Variants in LRRC37A2 observed in about 807,000 individuals in gnomAD.
The protein encoded by LRRC37A2 is leucine rich repeat containing 37 member A2.
A neutral mutation model predicts 68.8 loss-of-function variants in LRRC37A2; 9 were observed. That is an observed-to-expected ratio of 0.13 (90% CI 0.08 to 0.23). The LOEUF (loss-of-function observed/expected upper bound fraction) is 0.23, where lower values mean the gene tolerates loss of function less well. Among genes scored for constraint, LRRC37A2 ranks in the 10% least tolerant of loss-of-function variants. The pLI, the probability that LRRC37A2 is intolerant of heterozygous loss-of-function variation, is 1.00. For missense variants in LRRC37A2, 168 were observed against 950.4 expected, an observed-to-expected ratio of 0.18 and a Z score of 10.82; for synonymous variants, 63 against 367.6, an observed-to-expected ratio of 0.17 and a Z score of 9.48.
At chr17:46,925,556 G>A in the LRRC37A2 span, among the ~76,000 whole-genome samples, 4 of 152,296 alleles carry the variant, frequency 2.6e-5, no homozygotes, top group Admixed American at 2.0e-4. Flanking sequence ...ATTTGGGCTG[G>A]TTAAACTGTA....
the LRRC37A2 span, among the ~76,000 whole-genome samples, chr17:46,829,283 T>A: frequency 1.3e-5 from 2 of 152,050 alleles, no homozygotes; most frequent in Non-Finnish European, 2.9e-5. Context: ...TTCTCCTGCC[T>A]CAGCCTCCCC....
At chr17:46,504,953 G>GATTTATTAATTA in the LRRC37A2 span, among the ~76,000 whole-genome samples, 1 of 102,028 alleles carries the variant, frequency 9.8e-6, no homozygotes, top group Non-Finnish European at 1.9e-5. Context: ...AACTAATTTT[G>GATTTATTAATTA]AGAGAGAGTC....
At chr17:46,818,395 G>C in the LRRC37A2 span, 2 of 953,550 alleles carry the variant, frequency 2.1e-6, no homozygotes. Flanking sequence ...GGCGGGTGGG[G>C]GGCTGGAGGG....
the LRRC37A2 span, chr17:46,749,888 A>C: frequency 6.2e-7 from 1 of 1,613,992 alleles, no homozygotes; most frequent in Non-Finnish European, 8.5e-7. Flanking sequence ...ACAGGAGAGC[A>C]GCTGTTGGAA....
At chr17:46,502,315 T>G in the LRRC37A2 span, among the ~76,000 whole-genome samples, 1 of 151,080 alleles carries the variant, frequency 6.6e-6, no homozygotes, top group African/African-American at 2.5e-5. Context: ...GTCCTTTTAT[T>G]TTTTGTTTTT....
chr17:46,805,691 C>T, the LRRC37A2 span, among the ~76,000 whole-genome samples: 2 of 152,230 alleles, frequency 1.3e-5, no homozygotes, highest in African/African-American at 4.8e-5. Context: ...ATTGAGGCTA[C>T]AGTGGGCTGT....
the LRRC37A2 span, among the ~76,000 whole-genome samples, chr17:46,458,495 G>C: frequency 1.1e-5 from 1 of 87,944 alleles, no homozygotes; most frequent in South Asian, 5.3e-4. Flanking sequence ...TTCTGGAATG[G>C]AAGCTGGGAA....
the LRRC37A2 span, chr17:46,968,743 C>G: frequency 6.6e-6 from 1 of 152,518 alleles, no homozygotes. Context: ...CTTCAGGACA[C>G]AAACAGAAAG....
chr17:46,789,896 CT>C, the LRRC37A2 span, among the ~76,000 whole-genome samples: 2 of 152,230 alleles, frequency 1.3e-5, no homozygotes, highest in Non-Finnish European at 2.9e-5. Context: ...CGATTCCACT[CT>C]CTACCTTTCA....
chr17:46,796,184 GAA>G, the LRRC37A2 span, among the ~76,000 whole-genome samples: 2 of 152,150 alleles, frequency 1.3e-5, no homozygotes, highest in Non-Finnish European at 2.9e-5. Flanking sequence ...TTCCTAATGA[GAA>G]AAACATCCCC....
chr17:46,880,747 G>A, the LRRC37A2 span, among the ~76,000 whole-genome samples: 2 of 152,170 alleles, frequency 1.3e-5, no homozygotes, highest in East Asian at 3.9e-4. Flanking sequence ...CACTGGTATA[G>A]GTCGGGCAGG....
chr17:46,794,386 G>T, the LRRC37A2 span, among the ~76,000 whole-genome samples: 2 of 152,140 alleles, frequency 1.3e-5, no homozygotes, highest in Non-Finnish European at 2.9e-5. Flanking sequence ...CTATATGCAG[G>T]CTGGATCCCC....
chr17:46,714,657 A>G, the LRRC37A2 span, among the ~76,000 whole-genome samples: 1 of 152,224 alleles, frequency 6.6e-6, no homozygotes, highest in East Asian at 1.9e-4. Flanking sequence ...ACAAAAATCA[A>G]TGATGAAGAC....
At chr17:46,803,889 C>G in the LRRC37A2 span, among the ~76,000 whole-genome samples, 2 of 152,212 alleles carry the variant, frequency 1.3e-5, no homozygotes, top group African/African-American at 4.8e-5. Context: ...CATGGCGCAG[C>G]TGAAGAGGGT....
At chr17:46,896,439 A>AAAGG in the LRRC37A2 span, among the ~76,000 whole-genome samples, 1 of 100,416 alleles carries the variant, frequency 1.0e-5, no homozygotes, top group Non-Finnish European at 1.7e-5. Flanking sequence ...AGAAAGAAAG[A>AAAGG]AAGAAAGAAA....
the LRRC37A2 span, chr17:46,831,355 C>G: frequency 6.6e-6 from 1 of 152,346 alleles, no homozygotes; most frequent in South Asian, 2.1e-4. Flanking sequence ...CTCAAGGTAC[C>G]AGATAGGTGA....
chr17:46,871,164 T>C, the LRRC37A2 span, among the ~76,000 whole-genome samples: 1 of 152,010 alleles, frequency 6.6e-6, no homozygotes, highest in African/African-American at 2.4e-5. Context: ...CTGCTCAGCC[T>C]CCCAAAGTGT....
At chr17:47,043,294 T>A in the LRRC37A2 span, among the ~76,000 whole-genome samples, 27 of 152,220 alleles carry the variant, frequency 1.8e-4, no homozygotes, top group African/African-American at 6.0e-4. Flanking sequence ...ATTTGTTTAT[T>A]CAATAAACAT....
the LRRC37A2 span, among the ~76,000 whole-genome samples, chr17:46,760,757 C>T: frequency 3.3e-5 from 5 of 152,030 alleles, no homozygotes; most frequent in African/African-American, 4.8e-5. Flanking sequence ...TAAAACTTTT[C>T]AGCACCGACA....
Sources: gnomAD v4.1 joint callset for allele counts (sites outside exome capture counted in the v4.1 genomes callset) on GRCh38, gnomAD v4.1.1 for gene constraint, MANE v1.5 for transcripts, NCBI Gene and HGNC (gene_info 2026-07-23, HGNC 2026-07-21) for gene names.